PTPRN: variants seen among roughly 807,000 people sequenced by gnomAD.
The protein encoded by PTPRN is receptor-type tyrosine-protein phosphatase-like N.
PTPRN carries 70 observed loss-of-function variants against 108.5 expected under a neutral mutation model. The observed-to-expected ratio is 0.65, with a 90% CI of 0.53 to 0.79. The LOEUF is 0.79. Among genes scored for constraint, PTPRN ranks in the 30% least tolerant of loss-of-function variants. PTPRN has a pLI of 0.00. For synonymous variants in PTPRN, 496 were observed against 524.6 expected (o/e 0.95, Z 0.75); for missense variants, 1,136 against 1,295.5 (o/e 0.88, Z 1.89).
intron 7 of PTPRN, 99 bp downstream of exon 7, chr2:219,301,489 A>T: frequency 6.9e-7 from 1 of 1,449,860 alleles, no homozygotes; most frequent in Non-Finnish European, 9.4e-7. Context: ...CTGAAGCCTG[A>T]CTCTTCCTCT....
At chr2:219,299,526 A>G (rs1325097521) in intron 10 of PTPRN, 142 bp from the exon 11 acceptor site, 5 of 1,161,854 alleles carry the variant, frequency 4.3e-6, no homozygotes, top group Non-Finnish European at 6.3e-6. Context: ...TAGGCAAGGA[A>G]GATGCTGGGT....
Position 219,290,377 on chromosome 2 carries a change from G to A in PTPRN, c.2869-80C>T. 2 of 1,414,596 alleles carry A rather than the reference G, an allele frequency of 1.4e-6. No individual in the cohort carries two copies. The highest frequency in any genetic ancestry group is 2.0e-6 in the Non-Finnish European group (2 of 1,014,244). The allele number at this position is 1,414,596 out of a possible 1,614,324, so 87.6% of individuals were successfully genotyped here. On this transcript the variant is annotated intron_variant, in intron 22 of 22. Transcript: ENST00000295718. The surrounding 1 kb of genome is among the most constrained non-coding windows in gnomAD (Gnocchi z 4.2). ...CTCAAGATGGGGGGCTTTTGGTGGG[G>A]GGAGGGCCCTGGGCAGGTCCCCTGG...
Position 219,302,606 on chromosome 2 carries a change from A to C in PTPRN, c.609T>G (p.Pro203=), listed in dbSNP as rs1465734630. ...QPPHPSLSYE[P]ALLQPYLFHQ... ...GGAACAGGTAGGGCTGCAGCAAGGC[A>C]GGTTCGTAACTCAGTGAAGGGTGGG... Residue 203 remains proline, a synonymous_variant, in exon 5 of 23, where the codon CCT becomes CCG. Coordinates refer to ENST00000295718, the MANE Select transcript of PTPRN (RefSeq NM_002846.4). 6.2e-7 allele frequency: 1 copy of C among 1,614,018 alleles called. No individual in the cohort carries two copies. Among genetic ancestry groups the C allele is most frequent in the East Asian group, 2.2e-5 (1 of 44,876 alleles).
Position 219,307,858 on chromosome 2 carries a change from T to G in PTPRN, c.116-16A>C, listed in dbSNP as rs1952523354. On this transcript the variant is annotated splice_polypyrimidine_tract_variant and intron_variant, in intron 1 of 22. Coordinates refer to ENST00000295718, the MANE Select transcript of PTPRN (RefSeq NM_002846.4). ...AATAGACAGCCTGTAGAGGAAAAGGTGAGCAGAGGCTCAGACACCCACTCA... is the reference window on the plus strand; with the variant it reads ...AATAGACAGCCTGTAGAGGAAAAGGGGAGCAGAGGCTCAGACACCCACTCA... 6.2e-7 allele frequency: 1 copy of G among 1,613,772 alleles called. No homozygotes were observed.
rs1313327266 is a variant in PTPRN, at chr2:219,303,761, G to A, written c.351C>T (p.Arg117=). The change falls in exon 4 of 23, where the codon CGC becomes CGT. Residue 117 remains arginine, a synonymous_variant. Coordinates refer to ENST00000295718, the MANE Select transcript of PTPRN (RefSeq NM_002846.4). ...SQEMERIPRL[R]PPEPRPRDRS... is the part of the protein sequence containing the mutation. ...TGTCCCTTGGACGGGGCTCTGGGGG[G>A]CGAAGCCTGGGGATGCGCTCCATCT... 2 of 1,614,008 alleles carry A rather than the reference G, an allele frequency of 1.2e-6. No individual in the cohort carries two copies. Among genetic ancestry groups the A allele is most frequent in the Admixed American group, 1.7e-5 (1 of 60,000 alleles).
At chr2:219,294,774 C>G (rs1172831107) in intron 19 of PTPRN, among the ~76,000 whole-genome samples, 2 of 151,830 alleles carry the variant, frequency 1.3e-5, no homozygotes, top group African/African-American at 2.4e-5. Flanking sequence ...CTGGCCCACG[C>G]GGGTGGTGGA....
At position 219,296,953 on chromosome 2, in the gene PTPRN, C is replaced by CTGGGCCAGG. The variant is rs1293683229; in HGVS notation, c.2236+23_2236+31dup. 1 of 1,613,162 alleles carries CTGGGCCAGG rather than the reference C, an allele frequency of 6.2e-7. No individual in the cohort carries two copies. On this transcript the variant is annotated intron_variant, in intron 15 of 22. Transcript: ENST00000295718. The surrounding 1 kb of genome is among the most constrained non-coding windows in gnomAD (Gnocchi z 6.0). ...TCCAGACCTCGCAGCAGAGAGAGGGCTGGGCCAGGTGGGCCAGCAGGGTTC... is the reference window on the plus strand; with the variant it reads ...TCCAGACCTCGCAGCAGAGAGAGGGCTGGGCCAGGTGGGCCAGGTGGGCCAGCAGGGTTC...
At chr2:219,295,175 G>A (rs1339135616) in intron 18 of PTPRN, 34 bp from the exon 19 acceptor site, 5 of 1,593,330 alleles carry the variant, frequency 3.1e-6, no homozygotes, top group Non-Finnish European at 4.3e-6. Flanking sequence ...GAGCGCCGCG[G>A]GCTGCCCCAG....
At chr2:219,305,025 AGCTTTGTCT>A (rs1444020275) in intron 3 of PTPRN, among the ~76,000 whole-genome samples, 56 of 152,266 alleles carry the variant, frequency 3.7e-4, no homozygotes, top group Admixed American at 9.8e-4. Flanking sequence ...CATCAAGAGC[AGCTTTGTCT>A]GCATGTCCAA....
rs201629669 is a variant in PTPRN, at chr2:219,300,190, G to A, written c.1231C>T (p.His411Tyr). ...CTGGAGGTAGGGCTGGCAGTGGGGTGTCCAGGCATGGGGGATGTGCGGGCT... is the reference window on the plus strand; with the variant it reads ...CTGGAGGTAGGGCTGGCAGTGGGGTATCCAGGCATGGGGGATGTGCGGGCT... ...LPARTSPMPGHPTASPTSSEV... is the reference protein window; with the variant it reads ...LPARTSPMPGYPTASPTSSEV... Residue 411 changes from histidine (H) to tyrosine (Y), a missense_variant, in exon 9 of 23, where the codon CAC (histidine) becomes TAC (tyrosine). Transcript: ENST00000295718. The A allele has an allele frequency of 5.5e-5, 89 of 1,611,500 alleles. No individual in the cohort carries two copies. The highest frequency in any genetic ancestry group is 2.9e-4 in the African/African-American group (22 of 75,000).
chr2:219,301,476 C>T, intron 7 of PTPRN, 112 bp downstream of exon 7: 1 of 1,413,474 alleles, frequency 7.1e-7, no homozygotes, highest in South Asian at 1.4e-5. Context: ...GGAACTCTTT[C>T]CCCTGAAGCC....
chr2:219,309,364 C>T lies in PTPRN; in HGVS notation c.-32G>A, dbSNP rs1485341375. The stretch of plus-strand genomic sequence containing the variant: ...GAGCTCCGGGCGCTCGCTCCCGGGC[C>T]GGAGCCGCAGCGACGCTGGCGGGAG... On this transcript the variant is annotated 5_prime_UTR_variant, in exon 1 of 23. Coordinates refer to ENST00000295718, the MANE Select transcript of PTPRN (RefSeq NM_002846.4). 1.6e-6 allele frequency: 2 copies of T among 1,217,034 alleles called. No homozygotes were observed. Among genetic ancestry groups the T allele is most frequent in the Non-Finnish European group, 1.1e-6 (1 of 914,564 alleles). The allele number at this position is 1,217,034 out of a possible 1,614,324, so 75.4% of individuals were successfully genotyped here. A position where few individuals can be genotyped will look rare whatever the true frequency, so the allele number is the denominator to read the frequency against.
chr2:219,298,978 T>A, intron 12 of PTPRN, 69 bp downstream of exon 12: 1 of 1,580,168 alleles, frequency 6.3e-7, no homozygotes. Flanking sequence ...CCCCTCTGGT[T>A]TGCCTCCAGC....
rs1471104316 is a variant in PTPRN at position 219,296,274 on chromosome 2, A to G, written c.2460T>C (p.Cys820=). The G allele has an allele frequency of 1.9e-6, 3 of 1,614,114 alleles. No individual in the cohort carries two copies. Among genetic ancestry groups the G allele is most frequent in the Admixed American group, 1.7e-5 (1 of 60,020 alleles). The change falls in exon 18 of 23, where the codon TGT becomes TGC. Residue 820 remains cysteine (C), a synonymous_variant. Transcript: ENST00000295718. This position sits in a 1 kb window ranked among gnomAD's most constrained non-coding sequence, Gnocchi z 6.0. ...CACCCTCATCTGGCCAGTAGCGGTC[A>G]CACTGCTTGACACCATCCTCCACCA... ...TPLVEDGVKQ[C]DRYWPDEGAS...
intron 4 of PTPRN, among the ~76,000 whole-genome samples, chr2:219,303,386 C>T (rs1952406098): frequency 6.6e-6 from 1 of 152,168 alleles, no homozygotes; most frequent in African/African-American, 2.4e-5. Flanking sequence ...GATGGTGGCT[C>T]CTGTCATATA....
chr2:219,299,838 C>T (rs1385274345), intron 9 of PTPRN, 52 bp from the exon 10 acceptor site: 1 of 1,563,662 alleles, frequency 6.4e-7, no homozygotes, highest in Non-Finnish European at 8.7e-7. Context: ...CTCTCAGTCA[C>T]TTTCTTAAAA....
At position 219,297,176 on chromosome 2, in the gene PTPRN, T is replaced by C. The variant is rs1206621455; in HGVS notation, c.2089-44A>G. The C allele has an allele frequency of 1.2e-6, 2 of 1,611,526 alleles. No homozygotes were observed. Among genetic ancestry groups the C allele is most frequent in the Middle Eastern group, 3.3e-4 (2 of 6,048 alleles). On this transcript the variant is annotated intron_variant, in intron 14 of 22. Transcript: ENST00000295718. This position sits in a 1 kb window ranked among gnomAD's most constrained non-coding sequence, Gnocchi z 6.0. Reference sequence around the variant, plus strand: ...CTGGCTCTGGCCCACACAGCCAGCCTGGCCTCTCTCACCATCCCATTCCTT... The same window carrying C: ...CTGGCTCTGGCCCACACAGCCAGCCCGGCCTCTCTCACCATCCCATTCCTT...
At chr2:219,294,137 T>C (rs1262616341) in intron 19 of PTPRN, 1 of 531,596 alleles carries the variant, frequency 1.9e-6, no homozygotes. Flanking sequence ...ATCACTTTTG[T>C]GACTATGCAA....
chr2:219,300,820 G>T, intron 8 of PTPRN, 123 bp downstream of exon 8: 2 of 1,126,800 alleles, frequency 1.8e-6, no homozygotes, highest in Non-Finnish European at 1.3e-6. Context: ...TCTGGGCCTT[G>T]GTTTCCCCCA....
Sources: gnomAD v4.1 joint callset for allele counts (sites outside exome capture counted in the v4.1 genomes callset) on GRCh38, gnomAD v4.1.1 for gene constraint, Gnocchi (gnomAD v3.1) non-coding constraint, MANE v1.5 for transcripts, NCBI Gene and HGNC (gene_info 2026-07-23, HGNC 2026-07-21) for gene names.